Variants in C6orf132 observed in about 807,000 individuals in gnomAD.
C6orf132 encodes uncharacterized protein C6orf132.
A neutral mutation model predicts 65.3 loss-of-function variants in C6orf132; 43 were observed. The ratio of observed to expected loss-of-function variants is 0.66; its 90% CI spans 0.52 to 0.85. The LOEUF is 0.85. Ranked by LOEUF, C6orf132 falls within the 40% of genes least tolerant of loss-of-function variation. C6orf132 has a pLI of 0.00. For synonymous variants in C6orf132, 631 were observed against 654.1 expected, an observed-to-expected ratio of 0.96 and a Z score of 0.54; for missense variants, 1,488 against 1,548.8, an observed-to-expected ratio of 0.96 and a Z score of 0.66.
Position 42,107,063 on chromosome 6 carries a change from T to C in C6orf132, c.849A>G (p.Pro283=). 1 of 1,492,106 alleles carries C rather than the reference T, an allele frequency of 6.7e-7. No individual in the cohort carries two copies. The highest frequency in any genetic ancestry group is 2.5e-5 in the East Asian group (1 of 40,048). The allele number at this position is 1,492,106 out of a possible 1,614,324, so 92.4% of individuals were successfully genotyped here. ...GGTTAGGTCCCAGGGCGCTCCCCTT[T>C]GGCTCAGCAGGGCTTCTCGGGGGGC... ...RASPPRSPAE[P]KGSALGPNPE... The change falls in exon 4 of 5, where the codon CCA becomes CCG. Residue 283 remains proline (P), a synonymous_variant. Coordinates refer to ENST00000341865, the MANE Select transcript of C6orf132 (RefSeq NM_001164446.3).
Position 42,123,235 on chromosome 6 carries a change from T to G in C6orf132, c.252+5437A>C, listed in dbSNP as rs1582278312. Among the ~76,000 whole-genome samples the G allele has an allele frequency of 2.6e-5, 4 of 151,606 alleles. No homozygotes were observed. The East Asian group carries it at 5.8e-4, about 22-fold the overall frequency. ...TGTCTCTACTAAAAATACAAAAAAT[T>G]AGCCGGGCGTGGTGGCAGACGCCTG... On this transcript the variant is annotated intron_variant, in intron 2 of 4. Coordinates refer to ENST00000341865, the MANE Select transcript of C6orf132 (RefSeq NM_001164446.3).
At chr6:42,109,547 G>A (rs1008448646) in intron 3 of C6orf132, among the ~76,000 whole-genome samples, 1 of 152,166 alleles carries the variant, frequency 6.6e-6, no homozygotes, top group Middle Eastern at 3.2e-3. Flanking sequence ...TCGCAGAAGA[G>A]CATTCTAACC....
Position 42,107,170 on chromosome 6 carries a change from G to A in C6orf132, c.742C>T (p.Arg248Cys), listed in dbSNP as rs548259386. 1.5e-5 allele frequency: 21 copies of A among 1,432,064 alleles called. No individual in the cohort carries two copies. The highest frequency in any genetic ancestry group is 1.8e-5 in the Non-Finnish European group (20 of 1,096,774). The allele number at this position is 1,432,064 out of a possible 1,614,324, so 88.7% of individuals were successfully genotyped here. The change falls in exon 4 of 5, where the codon CGT becomes TGT. Residue 248 changes from arginine (R) to cysteine (C), a missense_variant. Transcript: ENST00000341865. ...APASPHTVGT[R>C]LFPPGGVTKW... ...GTGACACCCCCAGGGGGAAAGAGAC[G>A]AGTCCCCACTGTGTGAGGAGATGCT...
At chr6:42,118,073 A>G (rs73735044) in intron 2 of C6orf132, among the ~76,000 whole-genome samples, 1,544 of 152,294 alleles carry the variant, frequency 0.01, 31 homozygotes, top group African/African-American at 0.034. Context: ...ATACTCTCCA[A>G]GGATCACTTT....
In C6orf132 at chr6:42,107,111, C is replaced by A. The variant is rs923975412; in HGVS notation, c.801G>T (p.Arg267Ser). The change falls in exon 4 of 5, where the codon AGG becomes AGT. Residue 267 changes from arginine (R) to serine (S), a missense_variant. Transcript: ENST00000341865. Reference sequence around the variant, plus strand: ...GGCTGGCTCTGGTGGCCTCTGCCTGCCTGCCATTCAGTGCTACATCTGATT... The same window carrying A: ...GGCTGGCTCTGGTGGCCTCTGCCTGACTGCCATTCAGTGCTACATCTGATT... ...KWKSDVALNG[R>S]QAEATRASPP... 17 of 1,455,342 alleles carry A rather than the reference C, an allele frequency of 1.2e-5. No individual in the cohort carries two copies. The highest frequency in any genetic ancestry group is 2.9e-5 in the African/African-American group (2 of 69,588). 90.2% of individuals were successfully genotyped at this position (1,455,342 alleles called of 1,614,324 possible). A position where few individuals can be genotyped will look rare whatever the true frequency, so the allele number is the denominator to read the frequency against.
rs1766433124 is a variant in C6orf132, at chr6:42,107,489, T to TG, written c.422dup (p.Pro142ThrfsTer72). 4 of 1,253,180 alleles carry TG rather than the reference T, an allele frequency of 3.2e-6. No individual in the cohort carries two copies. The highest frequency in any genetic ancestry group is 2.1e-5 in the African/African-American group (1 of 48,008). The allele number at this position is 1,253,180 out of a possible 1,614,324, so 77.6% of individuals were successfully genotyped here. A position where few individuals can be genotyped will look rare whatever the true frequency, so the allele number is the denominator to read the frequency against. On this transcript the variant is annotated frameshift_variant, in exon 4 of 5. Transcript: ENST00000341865. LOFTEE classifies it high-confidence loss of function. The stretch of plus-strand genomic sequence containing the variant: ...GCCCTGGGGCTGGGCCTGGGGGAGG[T>TG]GGGGGGATGAGTAGATCCTGGCCAT...
chr6:42,118,600 A>C (rs894012467), intron 2 of C6orf132, among the ~76,000 whole-genome samples: 1 of 152,238 alleles, frequency 6.6e-6, no homozygotes, highest in Non-Finnish European at 1.5e-5. Flanking sequence ...GCAAAAGAGC[A>C]TCTGAGCGTG....
intron 1 of C6orf132, among the ~76,000 whole-genome samples, chr6:42,136,936 G>A (rs919707883): frequency 6.6e-6 from 1 of 152,120 alleles, no homozygotes; most frequent in African/African-American, 2.4e-5. Flanking sequence ...GAGTGAACAG[G>A]GCCCTCGGCT....
At position 42,106,786 on chromosome 6, in the gene C6orf132, G is replaced by C. The variant is rs1766417249; in HGVS notation, c.1126C>G (p.Leu376Val). 1 of 1,534,754 alleles carries C rather than the reference G, an allele frequency of 6.5e-7. No individual in the cohort carries two copies. Among genetic ancestry groups the C allele is most frequent in the African/African-American group, 1.4e-5 (1 of 72,932 alleles). ...TCTGCTTGGGACTGGGACTGGCCAA[G>C]CCTTGGGCTGGCTGGTGCTGTGGCC... is the stretch of plus-strand genomic sequence containing the variant. Reference protein sequence around the residue: ...LKATAPASPRLGQSQSQADER... With the variant: ...LKATAPASPRVGQSQSQADER... The change falls in exon 4 of 5, where the codon CTT becomes GTT. Residue 376 changes from leucine (L) to valine (V), a missense_variant. By Grantham distance (32) the Leu-to-Val change is conservative. Coordinates refer to ENST00000341865, the MANE Select transcript of C6orf132 (RefSeq NM_001164446.3).
chr6:42,136,363 G>A (rs1392386408), intron 1 of C6orf132, among the ~76,000 whole-genome samples: 1 of 152,148 alleles, frequency 6.6e-6, no homozygotes, highest in African/African-American at 2.4e-5. Context: ...GTGAGAGGAG[G>A]GCTGGGGCCC....
intron 1 of C6orf132, among the ~76,000 whole-genome samples, chr6:42,129,195 T>A (rs1408284943): frequency 6.6e-6 from 1 of 152,344 alleles, no homozygotes; most frequent in Non-Finnish European, 1.5e-5. Flanking sequence ...ATTTCTAATC[T>A]GAAACATGCA....
intron 2 of C6orf132, among the ~76,000 whole-genome samples, chr6:42,110,671 A>G (rs1218908061): frequency 6.6e-6 from 1 of 152,202 alleles, no homozygotes; most frequent in Non-Finnish European, 1.5e-5. Flanking sequence ...ACATTTTAAT[A>G]TATTTTGTTG....
At position 42,106,367 on chromosome 6, in the gene C6orf132, GA is replaced by G; in HGVS notation, c.1544del (p.Leu515ProfsTer2). 1 of 1,536,506 alleles carries G rather than the reference GA, an allele frequency of 6.5e-7. No homozygotes were observed. Among genetic ancestry groups the G allele is most frequent in the Non-Finnish European group, 8.7e-7 (1 of 1,146,850 alleles). On this transcript the variant is annotated frameshift_variant, in exon 4 of 5. Coordinates refer to ENST00000341865, the MANE Select transcript of C6orf132 (RefSeq NM_001164446.3). LOFTEE classifies it high-confidence loss of function. ...GAGTGTCCTTTGCTGGCAGGCTCAG[GA>G]GAGTCTCCTTCTCAGGCAGGCGGGG... ...KGPRLPEKETLLSLPAKDTPP... is the reference protein window; with the variant it reads ...KGPRLPEKETXLSLPAKDTPP...
chr6:42,130,183 G>T (rs1766829825), intron 1 of C6orf132, among the ~76,000 whole-genome samples: 1 of 152,230 alleles, frequency 6.6e-6, no homozygotes, highest in Non-Finnish European at 1.5e-5. Flanking sequence ...GGTTCTCCGT[G>T]TGCTCCGCAC....
rs926279064 is a variant in C6orf132, at chr6:42,102,960, TCAGGGCTG to T, written c.*793_*800del. 2.5e-6 allele frequency: 1 copy of T among 397,714 alleles called. No homozygotes were observed. Among genetic ancestry groups the T allele is most frequent in the Non-Finnish European group, 4.4e-6 (1 of 225,976 alleles). The allele number at this position is 397,714 out of a possible 1,614,324, so 24.6% of individuals were successfully genotyped here. ...GGCTCCTTGGGCCCAGTCCCCAAAA[TCAGGGCTG>T]CACAGGTCTGAATAGCAAAGCCAGG... On this transcript the variant is annotated 3_prime_UTR_variant, in exon 5 of 5. Transcript: ENST00000341865.
intron 1 of C6orf132, among the ~76,000 whole-genome samples, chr6:42,135,811 G>A (rs180781387): frequency 4.0e-4 from 61 of 152,346 alleles, no homozygotes; most frequent in Admixed American, 1.0e-3. Flanking sequence ...ATTTGCAGTT[G>A]AGGAAACTGA....
At chr6:42,120,246 CT>C (rs58477278) in intron 2 of C6orf132, among the ~76,000 whole-genome samples, 228 of 141,536 alleles carry the variant, frequency 1.6e-3, no homozygotes, top group Admixed American at 1.8e-3. Context: ...TTGCGAGGTT[CT>C]TTTTTTTTTT....
rs1458137151 is a variant in C6orf132 at position 42,110,253 on chromosome 6, G to A, written c.291C>T (p.Pro97=). Residue 97 remains proline, a synonymous_variant, in exon 3 of 5, where the codon CCC becomes CCT. Coordinates refer to ENST00000341865, the MANE Select transcript of C6orf132 (RefSeq NM_001164446.3). ...TGTCTGCAAAATCATCTGGAACCGA[G>A]GGGGTGGGCACAGCCAGCCCATGGT... ...QENHGLAVPT[P]SVPDDFADKE... The A allele has an allele frequency of 6.5e-7, 1 of 1,547,478 alleles. No individual in the cohort carries two copies. The highest frequency in any genetic ancestry group is 8.7e-7 in the Non-Finnish European group (1 of 1,145,358).
At chr6:42,130,917 GCT>G (rs978247427) in intron 1 of C6orf132, among the ~76,000 whole-genome samples, 2 of 151,900 alleles carry the variant, frequency 1.3e-5, no homozygotes, top group Non-Finnish European at 2.9e-5. Flanking sequence ...GGATCCCTGT[GCT>G]CTGTCGCTCA....
Sources: allele counts gnomAD v4.1 joint callset (sites outside exome capture counted in the v4.1 genomes callset), GRCh38; gene constraint gnomAD v4.1.1; transcripts MANE v1.5; gene names NCBI Gene and HGNC (gene_info 2026-07-23, HGNC 2026-07-21).